DLC1: variants seen among roughly 807,000 people sequenced by gnomAD.
DLC1 encodes DLC1 Rho GTPase activating protein.
DLC1 carries 54 observed loss-of-function variants against 140.3 expected under a neutral mutation model. The ratio of observed to expected loss-of-function variants is 0.38; its 90% CI spans 0.31 to 0.48. DLC1 has a LOEUF of 0.48. Among genes scored for constraint, DLC1 ranks in the 20% least tolerant of loss-of-function variants. DLC1 has a pLI of 0.96. For synonymous variants in DLC1, 986 were observed against 728.1 expected, an observed-to-expected ratio of 1.35 and a Z score of -5.70; for missense variants, 2,536 against 1,907.0, an observed-to-expected ratio of 1.33 and a Z score of -6.14.
chr8:13,467,832 T>C (rs1297609574), intron 2 of DLC1, among the ~76,000 whole-genome samples: 2 of 152,238 alleles, frequency 1.3e-5, no homozygotes, highest in Non-Finnish European at 2.9e-5. Context: ...TGTTAATAAG[T>C]ATTATACAAA....
intron 4 of DLC1, among the ~76,000 whole-genome samples, chr8:13,347,319 T>C (rs1458069632): frequency 6.6e-6 from 1 of 152,192 alleles, no homozygotes; most frequent in Non-Finnish European, 1.5e-5. Flanking sequence ...GTAATAATGG[T>C]GATGAATAAA....
intron 5 of DLC1, among the ~76,000 whole-genome samples, chr8:13,157,617 C>G (rs1458611399): frequency 2.6e-5 from 4 of 152,136 alleles, no homozygotes; most frequent in African/African-American, 7.2e-5. Flanking sequence ...TGTTGCCTCA[C>G]AAAAATAACT....
intron 2 of DLC1, among the ~76,000 whole-genome samples, chr8:13,406,057 A>G (rs1190244755): frequency 5.1e-5 from 7 of 138,280 alleles, no homozygotes; most frequent in Non-Finnish European, 7.6e-5. Flanking sequence ...CCCAGGCTGG[A>G]GTGCAGTGGC....
At chr8:13,143,848 G>C (rs111327534) in intron 5 of DLC1, among the ~76,000 whole-genome samples, 15 of 147,714 alleles carry the variant, frequency 1.0e-4, no homozygotes, top group South Asian at 2.2e-4. Flanking sequence ...GAGAGAGAGA[G>C]AGAGACATAG....
chr8:13,361,595 T>C (rs118182781), intron 4 of DLC1, among the ~76,000 whole-genome samples: 2,027 of 152,228 alleles, frequency 0.013, 20 homozygotes, highest in Non-Finnish European at 0.02. Context: ...TGTTACTTAA[T>C]GGACATTTTA....
intron 4 of DLC1, among the ~76,000 whole-genome samples, chr8:13,311,196 C>T (rs1318775922): frequency 2.0e-5 from 3 of 152,266 alleles, no homozygotes; most frequent in East Asian, 1.9e-4. Context: ...CCTATGAGGA[C>T]GTTGAGACCC....
At chr8:13,329,113 C>A (rs1221879513) in intron 4 of DLC1, among the ~76,000 whole-genome samples, 5 of 152,116 alleles carry the variant, frequency 3.3e-5, no homozygotes, top group African/African-American at 1.2e-4. Flanking sequence ...ATCAACTCAG[C>A]TCTGGGAAAA....
At chr8:13,286,385 A>G (rs1831536476) in intron 5 of DLC1, among the ~76,000 whole-genome samples, 1 of 152,188 alleles carries the variant, frequency 6.6e-6, no homozygotes. Context: ...ATTAAATTTT[A>G]TTACAATAAA....
chr8:13,207,662 T>C (rs1189989432), intron 5 of DLC1, among the ~76,000 whole-genome samples: 2 of 152,054 alleles, frequency 1.3e-5, no homozygotes, highest in African/African-American at 2.4e-5. Flanking sequence ...TTATTTAGAG[T>C]AGTGGTTCTC....
At chr8:13,505,585 G>T (rs779512745) in intron 1 of DLC1, among the ~76,000 whole-genome samples, 1 of 152,086 alleles carries the variant, frequency 6.6e-6, no homozygotes, top group South Asian at 2.1e-4. Flanking sequence ...AATATGTCTG[G>T]TGGGGCCAAA....
At chr8:13,229,738 C>T (rs1307201103) in intron 5 of DLC1, among the ~76,000 whole-genome samples, 1 of 152,034 alleles carries the variant, frequency 6.6e-6, no homozygotes, top group Admixed American at 6.6e-5. Context: ...AAGTGGGTGA[C>T]TTTACCAAGA....
In DLC1 at chr8:13,090,484, G is replaced by A; in HGVS notation, c.3856-14C>T. ...TTCCTCGGGAACCTGTGCGGAACATGACAGACAGAAAGGAGGTGAGTCCAC... is the reference window on the plus strand; with the variant it reads ...TTCCTCGGGAACCTGTGCGGAACATAACAGACAGAAAGGAGGTGAGTCCAC... On this transcript the variant is annotated splice_polypyrimidine_tract_variant and intron_variant, in intron 14 of 17. Coordinates refer to ENST00000276297, the MANE Select transcript of DLC1 (RefSeq NM_182643.3). 1.2e-6 allele frequency: 2 copies of A among 1,612,876 alleles called. No homozygotes were observed. The highest frequency in any genetic ancestry group is 1.7e-6 in the Non-Finnish European group (2 of 1,179,838).
intron 1 of DLC1, among the ~76,000 whole-genome samples, chr8:13,551,075 C>CACACACTT (rs71207163): frequency 0.36 from 43,133 of 121,462 alleles, 8,090 homozygotes; most frequent in Non-Finnish European, 0.4. Flanking sequence ...CACACACACA[C>CACACACTT]TTTTTTTTTT....
intron 5 of DLC1, among the ~76,000 whole-genome samples, chr8:13,136,280 C>G (rs1822555289): frequency 6.6e-6 from 1 of 152,084 alleles, no homozygotes; most frequent in African/African-American, 2.4e-5. Context: ...GTTCAGTCAC[C>G]CAGGTACTAA....
At chr8:13,355,575 G>A (rs1327884952) in intron 4 of DLC1, among the ~76,000 whole-genome samples, 2 of 152,100 alleles carry the variant, frequency 1.3e-5, no homozygotes, top group Admixed American at 6.5e-5. Flanking sequence ...ATCAGATCAG[G>A]ACCCCACCTT....
chr8:13,502,381 C>T (rs1460210669), intron 1 of DLC1, among the ~76,000 whole-genome samples: 1 of 152,106 alleles, frequency 6.6e-6, no homozygotes, highest in Non-Finnish European at 1.5e-5. Context: ...TGCAATTTCT[C>T]AATTTTCATA....
intron 2 of DLC1, among the ~76,000 whole-genome samples, chr8:13,454,296 G>GA (rs1799290733): frequency 6.6e-6 from 1 of 151,230 alleles, no homozygotes; most frequent in East Asian, 1.9e-4. Flanking sequence ...AGAAGCAGTT[G>GA]GAAAAAAATT....
At chr8:13,393,141 C>T (rs1836842954) in intron 4 of DLC1, among the ~76,000 whole-genome samples, 1 of 151,442 alleles carries the variant, frequency 6.6e-6, no homozygotes, top group Non-Finnish European at 1.5e-5. Context: ...TCTGTCCATC[C>T]ATCCATCCAT....
rs574401101 is a variant in DLC1, at chr8:13,184,511, T to A, written c.1349-68854A>T. 3.9e-5 allele frequency among the ~76,000 whole-genome samples: 6 copies of A among 152,324 alleles called. No homozygotes were observed. In the South Asian group the frequency reaches 1.2e-3, roughly 32 times the overall value. ...CTGGTACATTGTGTCTTTGTTCTCA[T>A]TGGGTTCAAAGAACATCTTTATTTC... is the stretch of plus-strand genomic sequence containing the variant. On this transcript the variant is annotated intron_variant, in intron 5 of 17. Transcript: ENST00000276297.
Sources: allele counts gnomAD v4.1 joint callset (sites outside exome capture counted in the v4.1 genomes callset), GRCh38; gene constraint gnomAD v4.1.1; transcripts MANE v1.5; gene names NCBI Gene and HGNC (gene_info 2026-07-23, HGNC 2026-07-21).